TOGARAM1: variants seen among roughly 807,000 people sequenced by gnomAD.
TOGARAM1 encodes the protein TOG array regulator of axonemal microtubules protein 1.
In TOGARAM1, 100 loss-of-function variants were observed where a neutral mutation model predicts 166.6. The ratio of observed to expected loss-of-function variants is 0.60; its 90% confidence interval spans 0.51 to 0.71. The LOEUF is 0.71. TOGARAM1 is among the 30% of genes least tolerant of loss of function. The pLI is 0.00. For missense variants in TOGARAM1, 2,029 were observed against 2,102.7 expected, an observed-to-expected ratio of 0.96 and a Z score of 0.69; for synonymous variants, 758 against 763.8, an observed-to-expected ratio of 0.99 and a Z score of 0.13.
At chr14:45,006,429 G>A (rs769531132) in intron 5 of TOGARAM1, 162 bp downstream of exon 5, 215 of 550,898 alleles carry the variant, frequency 3.9e-4, no homozygotes, top group Non-Finnish European at 5.8e-4. Flanking sequence ...AGTAGGAAGG[G>A]AATTTATCAC....
At chr14:45,017,206 T>G (rs1438248620) in intron 7 of TOGARAM1, among the ~76,000 whole-genome samples, 2 of 152,180 alleles carry the variant, frequency 1.3e-5, no homozygotes, top group East Asian at 3.8e-4. Flanking sequence ...ATTCTCAGTT[T>G]TGAGGTTTTT....
intron 7 of TOGARAM1, among the ~76,000 whole-genome samples, chr14:45,013,213 G>A (rs1879917711): frequency 6.6e-6 from 1 of 152,148 alleles, no homozygotes; most frequent in African/African-American, 2.4e-5. Context: ...TGTGAAAAGA[G>A]CTCAGTTGCT....
intron 15 of TOGARAM1, among the ~76,000 whole-genome samples, chr14:45,053,760 T>C (rs1395191050): frequency 6.6e-6 from 1 of 152,184 alleles, no homozygotes; most frequent in African/African-American, 2.4e-5. Flanking sequence ...AAATGTTTAT[T>C]CTCACACTCC....
chr14:44,970,984 G>C (rs926750723), intron 1 of TOGARAM1, among the ~76,000 whole-genome samples: 1 of 151,976 alleles, frequency 6.6e-6, no homozygotes, highest in Non-Finnish European at 1.5e-5. Context: ...AGGTGATATT[G>C]GTCTGTGGGG....
chr14:45,063,516 G>A (rs1034085191), intron 16 of TOGARAM1, among the ~76,000 whole-genome samples: 5 of 126,814 alleles, frequency 3.9e-5, no homozygotes, highest in African/African-American at 1.3e-4. Flanking sequence ...ACAGAGTCTC[G>A]CACTGTCGCC....
intron 14 of TOGARAM1, 118 bp downstream of exon 14, chr14:45,046,821 T>C (rs760763994): frequency 1.2e-6 from 1 of 827,100 alleles, no homozygotes; most frequent in Non-Finnish European, 1.6e-6. Context: ...GTCCCAGGGA[T>C]TGGTGCTGGG....
intron 5 of TOGARAM1, 24 bp downstream of exon 5, chr14:45,006,291 A>G: frequency 6.6e-7 from 1 of 1,522,210 alleles, no homozygotes; most frequent in Non-Finnish European, 8.9e-7. Flanking sequence ...ATTTTTAATG[A>G]CTTAAAAATA....
At chr14:45,034,499 T>G (rs1169101732) in intron 11 of TOGARAM1, among the ~76,000 whole-genome samples, 1 of 152,146 alleles carries the variant, frequency 6.6e-6, no homozygotes, top group Admixed American at 6.5e-5. Context: ...TAAATACATT[T>G]CCTGAGGCCA....
At chr14:45,004,853 T>C (rs57614513) in intron 4 of TOGARAM1, among the ~76,000 whole-genome samples, 16,992 of 152,244 alleles carry the variant, frequency 0.11, 1,372 homozygotes, top group African/African-American at 0.23. Flanking sequence ...TTCATATGCT[T>C]ATTGCAATTA....
intron 10 of TOGARAM1, among the ~76,000 whole-genome samples, chr14:45,029,916 G>A (rs1208981597): frequency 2.6e-5 from 4 of 152,048 alleles, no homozygotes; most frequent in Admixed American, 6.5e-5. Context: ...CCACCTCTTC[G>A]GTTCAAGCGA....
chr14:44,972,450 C>G (rs937147272), intron 1 of TOGARAM1, among the ~76,000 whole-genome samples: 3 of 151,956 alleles, frequency 2.0e-5, no homozygotes, highest in Admixed American at 2.0e-4. Flanking sequence ...CTGGATCTGT[C>G]CATTTCTGAT....
intron 1 of TOGARAM1, among the ~76,000 whole-genome samples, chr14:44,970,864 C>A (rs961049943): frequency 2.0e-5 from 3 of 152,038 alleles, no homozygotes; most frequent in African/African-American, 7.2e-5. Flanking sequence ...GTTGAGCCAG[C>A]CTTGCATACC....
rs771027271 is a variant in TOGARAM1, at chr14:44,962,408, C to A, written c.-14C>A. On this transcript the variant is annotated 5_prime_UTR_variant, in exon 1 of 20. Transcript: ENST00000361462. ...CAATGGTTTCTTCCAACCACCACCA[C>A]CTGACAACCCTGCATGGCGGCTGCC... 3.7e-5 allele frequency: 57 copies of A among 1,534,054 alleles called. No individual in the cohort carries two copies. The East Asian group carries it at 1.3e-3, about 35-fold the overall frequency.
chr14:44,963,976 C>G lies in TOGARAM1; in HGVS notation c.1555C>G (p.Leu519Val), dbSNP rs753984118. The G allele has an allele frequency of 3.7e-6, 6 of 1,614,042 alleles. No individual in the cohort carries two copies. The African/African-American group carries it at 6.7e-5, about 18-fold the overall frequency. The change falls in exon 1 of 20, where the codon CTT (leucine) becomes GTT (valine). Residue 519 changes from leucine (L) to valine (V), a missense_variant. Coordinates refer to ENST00000361462, the MANE Select transcript of TOGARAM1 (RefSeq NM_001308120.2). ...PKLSFDLAPA[L>V]VDSKRRVRQA... ...ACTGTCCTTTGATCTTGCCCCAGCT[C>G]TTGTAGATAGCAAACGCAGGGTACG... is the stretch of plus-strand genomic sequence containing the variant.
intron 5 of TOGARAM1, 25 bp downstream of exon 5, chr14:45,006,292 C>G (rs769699321): frequency 2.6e-6 from 4 of 1,517,846 alleles, no homozygotes; most frequent in East Asian, 4.5e-5. Flanking sequence ...TTTTTAATGA[C>G]TTAAAAATAT....
At chr14:44,987,000 G>A (rs1432410179) in intron 1 of TOGARAM1, among the ~76,000 whole-genome samples, 3 of 139,600 alleles carry the variant, frequency 2.1e-5, no homozygotes, top group Non-Finnish European at 4.6e-5. Flanking sequence ...GCGAGACTCT[G>A]TCTCAAAAAA....
At chr14:45,039,839 A>G (rs944658902) in intron 11 of TOGARAM1, among the ~76,000 whole-genome samples, 1 of 151,996 alleles carries the variant, frequency 6.6e-6, no homozygotes, top group Non-Finnish European at 1.5e-5. Flanking sequence ...TTCTACTCAG[A>G]CGGGGGCATG....
chr14:45,030,135 T>A (rs867252266), intron 10 of TOGARAM1, among the ~76,000 whole-genome samples: 33 of 149,616 alleles, frequency 2.2e-4, no homozygotes, highest in Admixed American at 6.7e-4. Context: ...TGGAAGTTTT[T>A]AAAAAAAAAA....
rs1434130902 is a variant in TOGARAM1 at position 45,009,158 on chromosome 14, T to C, written c.3137+13T>C. ...GGAAGAGAATAATGTATTTTATTTT[T>C]TGACGTGATAAATGAATGTTCCTCT... On this transcript the variant is annotated intron_variant, in intron 6 of 19. Transcript: ENST00000361462. The C allele has an allele frequency of 6.3e-7, 1 of 1,583,630 alleles. No individual in the cohort carries two copies. Among genetic ancestry groups the C allele is most frequent in the East Asian group, 2.2e-5 (1 of 44,680 alleles).
Sources: gnomAD v4.1 joint callset for allele counts (sites outside exome capture counted in the v4.1 genomes callset) on GRCh38, gnomAD v4.1.1 for gene constraint, MANE v1.5 for transcripts, NCBI Gene and HGNC (gene_info 2026-07-23, HGNC 2026-07-21) for gene names.